The following CPNE4 variants were observed in gnomAD, a reference collection of about 807,000 sequenced individuals.
CPNE4 encodes the protein copine 4, also known as copine-4.
CPNE4 carries 25 observed loss-of-function variants against 67.9 expected under a neutral mutation model. The observed-to-expected ratio is 0.37, with a 90% confidence interval of 0.27 to 0.51. The LOEUF is 0.51. Among genes scored for constraint, CPNE4 ranks in the 20% least tolerant of loss-of-function variants. CPNE4 has a pLI of 0.93. For synonymous variants in CPNE4, 242 were observed against 244.9 expected (o/e 0.99, Z 0.11); for missense variants, 464 against 690.8 (o/e 0.67, Z 3.68).
intron 2 of CPNE4, among the ~76,000 whole-genome samples, chr3:131,887,106 C>T (rs2087922981): frequency 6.6e-6 from 1 of 152,196 alleles, no homozygotes; most frequent in South Asian, 2.1e-4. Context: ...ATTTTACTCT[C>T]ATGATTCCCA....
intron 7 of CPNE4, among the ~76,000 whole-genome samples, chr3:131,594,267 A>G (rs746905883): frequency 6.6e-6 from 1 of 152,230 alleles, no homozygotes; most frequent in African/African-American, 2.4e-5. Context: ...AGAAGAATAA[A>G]TCTGGTGGCA....
At position 131,808,520 on chromosome 3, in the gene CPNE4, GA is replaced by G. The variant is rs34724290; in HGVS notation, c.181-84896del. 1.3e-4 allele frequency among the ~76,000 whole-genome samples: 19 copies of G among 149,628 alleles called. No individual in the cohort carries two copies. The South Asian group carries it at 3.6e-3, about 28-fold the overall frequency. On this transcript the variant is annotated intron_variant, in intron 2 of 15. Coordinates refer to ENST00000429747, the MANE Select transcript of CPNE4 (RefSeq NM_130808.3). ...AACTACTCAAACTAAAACTCAAAGAGAAAAAAAAAGATGGGAGATAATTATT... is the reference window on the plus strand; with the variant it reads ...AACTACTCAAACTAAAACTCAAAGAGAAAAAAAAGATGGGAGATAATTATT...
intron 8 of CPNE4, among the ~76,000 whole-genome samples, chr3:131,582,712 T>C (rs1469230737): frequency 6.6e-6 from 1 of 152,128 alleles, no homozygotes; most frequent in African/African-American, 2.4e-5. Flanking sequence ...GCCTGTGTAT[T>C]GGGGCTGGCT....
chr3:131,653,541 C>T (rs2079870427), intron 7 of CPNE4, among the ~76,000 whole-genome samples: 1 of 152,178 alleles, frequency 6.6e-6, no homozygotes, highest in Non-Finnish European at 1.5e-5. Flanking sequence ...TCCCAGAAAT[C>T]CAAATATGAC....
At chr3:131,568,584 C>T (rs1292767097) in intron 10 of CPNE4, among the ~76,000 whole-genome samples, 1 of 151,962 alleles carries the variant, frequency 6.6e-6, no homozygotes. Context: ...AGAACAGGTG[C>T]CCAGTGCTTT....
chr3:131,574,941 C>A (rs1167762899), intron 10 of CPNE4, 130 bp downstream of exon 10: 7 of 724,268 alleles, frequency 9.7e-6, no homozygotes, highest in Non-Finnish European at 1.5e-5. Context: ...TACGCTTCAA[C>A]AATGAGACTT....
intron 7 of CPNE4, among the ~76,000 whole-genome samples, chr3:131,594,335 T>C (rs1268670740): frequency 4.6e-5 from 7 of 152,150 alleles, no homozygotes; most frequent in Admixed American, 2.0e-4. Context: ...ATATTGTTTA[T>C]TGGCATAAAG....
intron 5 of CPNE4, among the ~76,000 whole-genome samples, chr3:131,692,601 T>C (rs189836428): frequency 3.1e-4 from 47 of 152,330 alleles, no homozygotes; most frequent in Non-Finnish European, 5.7e-4. Flanking sequence ...GTATTGTCTA[T>C]GGCTGTTTTC....
At chr3:131,800,023 A>T (rs1026871833) in intron 2 of CPNE4, among the ~76,000 whole-genome samples, 1 of 151,888 alleles carries the variant, frequency 6.6e-6, no homozygotes, top group African/African-American at 2.4e-5. Flanking sequence ...CAGAGGGTAC[A>T]TATGCAGGTT....
intron 2 of CPNE4, among the ~76,000 whole-genome samples, chr3:131,778,379 A>T (rs1046523577): frequency 1.3e-5 from 2 of 151,994 alleles, no homozygotes; most frequent in African/African-American, 4.8e-5. Flanking sequence ...ATAGATTTGG[A>T]GTAAGGTTCA....
chr3:131,894,753 G>A (rs73206044), intron 2 of CPNE4, among the ~76,000 whole-genome samples: 11,455 of 151,926 alleles, frequency 0.075, 581 homozygotes, highest in East Asian at 0.17. Context: ...GCACTTACAC[G>A]CTATTGGAGG....
At chr3:131,654,392 C>T (rs1480100895) in intron 7 of CPNE4, among the ~76,000 whole-genome samples, 2 of 151,916 alleles carry the variant, frequency 1.3e-5, no homozygotes, top group Non-Finnish European at 2.9e-5. Flanking sequence ...TTTTTTTCTG[C>T]TCCTGTACCC....
intron 8 of CPNE4, among the ~76,000 whole-genome samples, chr3:131,585,353 C>A (rs1222443508): frequency 1.3e-5 from 2 of 152,122 alleles, no homozygotes; most frequent in Admixed American, 6.6e-5. Context: ...TTGGAATTTA[C>A]TAGGTGCTAC....
intron 2 of CPNE4, among the ~76,000 whole-genome samples, chr3:131,862,224 C>T (rs2086719919): frequency 6.6e-6 from 1 of 152,142 alleles, no homozygotes; most frequent in Non-Finnish European, 1.5e-5. Flanking sequence ...TCTCAAATCT[C>T]TCATAATTCC....
At chr3:131,783,394 T>C (rs1279218971) in intron 2 of CPNE4, among the ~76,000 whole-genome samples, 1 of 152,108 alleles carries the variant, frequency 6.6e-6, no homozygotes. Context: ...CAGCCTCTAT[T>C]GAAGGTTAAA....
At chr3:131,538,143 A>AAT (rs1460861108) in intron 15 of CPNE4, among the ~76,000 whole-genome samples, 29 of 152,216 alleles carry the variant, frequency 1.9e-4, no homozygotes, top group African/African-American at 7.0e-4. Context: ...TGCAGCAAAA[A>AAT]ATATTCCTAA....
chr3:131,583,906 G>T (rs1938006990), intron 8 of CPNE4, among the ~76,000 whole-genome samples: 1 of 152,094 alleles, frequency 6.6e-6, no homozygotes. Flanking sequence ...TGGTAGACCT[G>T]GGATTCACAC....
intron 2 of CPNE4, among the ~76,000 whole-genome samples, chr3:131,816,036 G>C (rs772486796): frequency 6.9e-4 from 105 of 152,280 alleles, no homozygotes; most frequent in Non-Finnish European, 1.2e-3. Context: ...TATGTGCAGG[G>C]GTGAGCAAAG....
At chr3:131,560,627 GA>G (rs1234557730) in intron 11 of CPNE4, among the ~76,000 whole-genome samples, 1 of 151,992 alleles carries the variant, frequency 6.6e-6, no homozygotes, top group Admixed American at 6.6e-5. Context: ...TCTGCCCAGT[GA>G]GATTGTGGGC....
Sources: allele counts gnomAD v4.1 joint callset (sites outside exome capture counted in the v4.1 genomes callset), GRCh38; gene constraint gnomAD v4.1.1; transcripts MANE v1.5; gene names NCBI Gene and HGNC (gene_info 2026-07-23, HGNC 2026-07-21).